COL6A6: variants seen among roughly 807,000 people sequenced by gnomAD.
The protein encoded by COL6A6 is collagen type VI alpha 6 chain, also known as collagen alpha-6(VI) chain.
In COL6A6, 183 loss-of-function variants were observed where a neutral mutation model predicts 208.6. The ratio of observed to expected loss-of-function variants is 0.88; its 90% CI spans 0.78 to 0.99. The LOEUF is 0.99. COL6A6 is among the 50% of genes least tolerant of loss of function. COL6A6 has a pLI of 0.00. For synonymous variants in COL6A6, 973 were observed against 1,011.8 expected (o/e 0.96, Z 0.73); for missense variants, 2,816 against 2,815.2 (o/e 1.00, Z -0.01).
At chr3:130,521,752 A>C (rs1489112103) in intron 1 of COL6A6, among the ~76,000 whole-genome samples, 1 of 152,132 alleles carries the variant, frequency 6.6e-6, no homozygotes, top group Non-Finnish European at 1.5e-5. Flanking sequence ...GGAAGTAAAC[A>C]CCCCTGGAGC....
chr3:130,608,763 C>CTTTTTTTTTTTTTTTT (rs752049202), intron 21 of COL6A6, 139 bp from the exon 22 acceptor site: 1 of 310,016 alleles, frequency 3.2e-6, no homozygotes, highest in Non-Finnish European at 5.4e-6. Flanking sequence ...TATTTTTCAC[C>CTTTTTTTTTTTTTTTT]TTTTTTTTTT....
rs1275860548 is a variant in COL6A6 at position 130,574,290 on chromosome 3, G to A, written c.3312G>A (p.Gln1104=). The A allele has an allele frequency of 1.2e-6, 2 of 1,613,986 alleles. No individual in the cohort carries two copies. The highest frequency in any genetic ancestry group is 4.5e-5 in the East Asian group (2 of 44,870). Residue 1104 remains glutamine (Q), a synonymous_variant, in exon 8 of 37, where the codon CAG becomes CAA. Transcript: ENST00000358511. ...MGSRINTGTP[Q]VLLVLTDGQS... The stretch of plus-strand genomic sequence containing the variant: ...GCAGGATAAATACAGGTACCCCACA[G>A]GTGCTGCTGGTCCTTACAGATGGCC...
rs1320633546 is a variant in COL6A6 at position 130,649,218 on chromosome 3, G to A, written c.5389G>A (p.Gly1797Arg). The stretch of plus-strand genomic sequence containing the variant: ...GGTCCGGGAGAACAGCTGCCCCGTG[G>A]GAGCGCACATCGCCATCCTCTCCTA... ...IKVRENSCPVGAHIAILSYNS... is the reference protein window; with the variant it reads ...IKVRENSCPVRAHIAILSYNS... Residue 1797 changes from glycine to arginine, a missense_variant, in exon 33 of 37, where the codon GGA (glycine) becomes AGA (arginine). Transcript: ENST00000358511. 6.3e-7 allele frequency: 1 copy of A among 1,592,540 alleles called. No homozygotes were observed. The highest frequency in any genetic ancestry group is 8.5e-7 in the Non-Finnish European group (1 of 1,169,638).
intron 8 of COL6A6, among the ~76,000 whole-genome samples, chr3:130,576,595 T>G (rs577990128): frequency 3.0e-4 from 45 of 152,006 alleles, no homozygotes; most frequent in Non-Finnish European, 5.7e-4. Flanking sequence ...AAGAAAACCA[T>G]GTGGAAAGTA....
intron 36 of COL6A6, among the ~76,000 whole-genome samples, chr3:130,667,890 T>C (rs1418470695): frequency 6.6e-6 from 1 of 151,186 alleles, no homozygotes; most frequent in Non-Finnish European, 1.5e-5. Flanking sequence ...TTGAGATGCT[T>C]AAAAAATGCA....
At chr3:130,553,985 T>C (rs187088838) in intron 1 of COL6A6, among the ~76,000 whole-genome samples, 1 of 152,348 alleles carries the variant, frequency 6.6e-6, no homozygotes, top group East Asian at 1.9e-4. Context: ...AGCTTAGCAC[T>C]GCTGGACTGC....
At chr3:130,639,291 C>T (rs1489980957) in intron 28 of COL6A6, among the ~76,000 whole-genome samples, 1 of 151,896 alleles carries the variant, frequency 6.6e-6, no homozygotes, top group Non-Finnish European at 1.5e-5. Flanking sequence ...GTCTTTTTTG[C>T]CCAACATAGT....
intron 18 of COL6A6, among the ~76,000 whole-genome samples, chr3:130,597,614 G>T (rs1038776521): frequency 6.6e-6 from 1 of 152,168 alleles, no homozygotes; most frequent in Non-Finnish European, 1.5e-5. Context: ...TCAACTGATT[G>T]TCTCAACATC....
chr3:130,564,098 CCT>C (rs1337834197), intron 3 of COL6A6, among the ~76,000 whole-genome samples: 3 of 152,168 alleles, frequency 2.0e-5, no homozygotes, highest in Non-Finnish European at 2.9e-5. Flanking sequence ...TCCAGATCCC[CCT>C]GTTTTTTTGC....
chr3:130,539,648 T>A (rs58970057), intron 1 of COL6A6, among the ~76,000 whole-genome samples: 107,755 of 149,330 alleles, frequency 0.72, 41,840 homozygotes, highest in Non-Finnish European at 0.87. Context: ...AAAAAAAAAA[T>A]TTATTTCTTT....
chr3:130,572,347 G>T (rs1415726959), intron 7 of COL6A6, among the ~76,000 whole-genome samples: 1 of 152,144 alleles, frequency 6.6e-6, no homozygotes, highest in Non-Finnish European at 1.5e-5. Flanking sequence ...TTCAGAGAAA[G>T]ATTGTTCTCT....
At chr3:130,612,754 G>A (rs955087482) in intron 23 of COL6A6, among the ~76,000 whole-genome samples, 5 of 152,060 alleles carry the variant, frequency 3.3e-5, no homozygotes, top group African/African-American at 7.2e-5. Flanking sequence ...AAGCATGGGG[G>A]CATCAGAAAG....
At chr3:130,517,776 A>C (rs1366421606) in intron 1 of COL6A6, among the ~76,000 whole-genome samples, 1 of 152,152 alleles carries the variant, frequency 6.6e-6, no homozygotes, top group Non-Finnish European at 1.5e-5. Flanking sequence ...ACAGTGGACC[A>C]CTCTCGGAAA....
At chr3:130,547,235 TCAAGCGTGG>T (rs2062531850) in intron 1 of COL6A6, among the ~76,000 whole-genome samples, 1 of 152,202 alleles carries the variant, frequency 6.6e-6, no homozygotes, top group South Asian at 2.1e-4. Context: ...CAGGGAGAAT[TCAAGCGTGG>T]CAAGAGTGGG....
intron 31 of COL6A6, 146 bp from the exon 32 acceptor site, chr3:130,644,845 T>C (rs2065422375): frequency 1.4e-6 from 1 of 735,660 alleles, no homozygotes. Context: ...TGTTAGACTC[T>C]GTCTGCATTT....
intron 1 of COL6A6, among the ~76,000 whole-genome samples, chr3:130,532,433 T>C (rs1370684421): frequency 2.0e-5 from 3 of 152,230 alleles, no homozygotes; most frequent in Non-Finnish European, 4.4e-5. Context: ...GGTCTACCCC[T>C]TGCGTCCCCA....
chr3:130,533,184 C>T (rs985679676), intron 1 of COL6A6, among the ~76,000 whole-genome samples: 2 of 150,346 alleles, frequency 1.3e-5, no homozygotes, highest in Admixed American at 6.6e-5. Flanking sequence ...CATATTTTAC[C>T]GTATTTTCTA....
chr3:130,596,101 A>G (rs2063844176), intron 18 of COL6A6, among the ~76,000 whole-genome samples: 1 of 152,168 alleles, frequency 6.6e-6, no homozygotes, highest in Non-Finnish European at 1.5e-5. Flanking sequence ...ATATATGAAC[A>G]TGTAAATGTT....
At chr3:130,565,720 A>G (rs1577719529) in intron 4 of COL6A6, 106 bp downstream of exon 4, 1 of 1,289,366 alleles carries the variant, frequency 7.8e-7, no homozygotes. Flanking sequence ...GATGGGAAGG[A>G]TAAGTTCCTA....
Sources: gnomAD v4.1 joint callset for allele counts (sites outside exome capture counted in the v4.1 genomes callset) on GRCh38, gnomAD v4.1.1 for gene constraint, MANE v1.5 for transcripts, NCBI Gene and HGNC (gene_info 2026-07-23, HGNC 2026-07-21) for gene names.